The following MCTP2 variants were observed in gnomAD, a reference collection of about 807,000 sequenced individuals.
The protein encoded by MCTP2 is multiple C2 and transmembrane domain containing 2.
In MCTP2, 132 loss-of-function variants were observed where a neutral mutation model predicts 111.6. The observed-to-expected ratio is 1.18, with a 90% confidence interval of 1.03 to 1.37. The LOEUF (loss-of-function observed/expected upper bound fraction) is 1.37. Ranked by LOEUF, MCTP2 falls within the 40% of genes most tolerant of loss-of-function variation. The pLI is 0.00. For missense variants in MCTP2, 1,183 were observed against 1,067.9 expected, an observed-to-expected ratio of 1.11 and a Z score of -1.50; for synonymous variants, 395 against 387.7, an observed-to-expected ratio of 1.02 and a Z score of -0.22.
chr15:94,443,663 G>A (rs2083921077), intron 19 of MCTP2, among the ~76,000 whole-genome samples: 1 of 152,114 alleles, frequency 6.6e-6, no homozygotes, highest in Admixed American at 6.6e-5. Context: ...GAATAGAAAT[G>A]TATTCAAAGA....
intron 2 of MCTP2, among the ~76,000 whole-genome samples, chr15:94,304,040 C>G (rs1350484620): frequency 6.6e-6 from 1 of 152,234 alleles, no homozygotes; most frequent in Non-Finnish European, 1.5e-5. Context: ...CATGTACTAA[C>G]TGTCCAGTGG....
chr15:94,414,188 GA>G, intron 17 of MCTP2, among the ~76,000 whole-genome samples: 1 of 152,222 alleles, frequency 6.6e-6, no homozygotes, highest in East Asian at 1.9e-4. Flanking sequence ...CCTTTCTTCT[GA>G]ACATTTCCCT....
intron 11 of MCTP2, among the ~76,000 whole-genome samples, chr15:94,369,845 G>A (rs916086607): frequency 2.0e-5 from 3 of 152,120 alleles, no homozygotes; most frequent in African/African-American, 7.2e-5. Context: ...AAGTAGATTC[G>A]ATGTGCTTCT....
rs1775971653 is a variant in MCTP2, at chr15:94,479,265, C to A, written c.*231C>A. The A allele has an allele frequency of 5.4e-6, 3 of 551,466 alleles. No homozygotes were observed. In the Admixed American group the frequency reaches 8.9e-5, roughly 16 times the overall value. The allele number at this position is 551,466 out of a possible 1,614,324, so 34.2% of individuals were successfully genotyped here. A position where few individuals can be genotyped will look rare whatever the true frequency, so the allele number is the denominator to read the frequency against. On this transcript the variant is annotated 3_prime_UTR_variant, in exon 23 of 23. Coordinates refer to ENST00000357742, the MANE Select transcript of MCTP2 (RefSeq NM_001385001.1). ...TCAGCCCAGCGAAAAGCAACAACCC[C>A]AAGACTGTGAAAGACTAACATCCAT...
At chr15:94,393,730 C>G (rs2081119431) in intron 14 of MCTP2, among the ~76,000 whole-genome samples, 1 of 151,890 alleles carries the variant, frequency 6.6e-6, no homozygotes, top group South Asian at 2.1e-4. Context: ...AAGGAAAATA[C>G]AAGTCAACCT....
chr15:94,301,137 C>A (rs1025686637), intron 2 of MCTP2, among the ~76,000 whole-genome samples: 2 of 152,132 alleles, frequency 1.3e-5, no homozygotes, highest in African/African-American at 2.4e-5. Context: ...ATCCTTTGCT[C>A]CTCTTTTTCT....
chr15:94,366,990 A>T (rs1368193597), intron 10 of MCTP2, among the ~76,000 whole-genome samples: 1 of 152,252 alleles, frequency 6.6e-6, no homozygotes, highest in Non-Finnish European at 1.5e-5. Context: ...AGAGCTGCTG[A>T]AATGGGATCA....
At chr15:94,387,129 C>T (rs536363576) in intron 14 of MCTP2, among the ~76,000 whole-genome samples, 2 of 151,930 alleles carry the variant, frequency 1.3e-5, no homozygotes, top group Non-Finnish European at 2.9e-5. Context: ...CCTCCTTCCT[C>T]CTTCCTCCTT....
At chr15:94,273,940 T>C in intron 1 of MCTP2, 1 of 237,504 alleles carries the variant, frequency 4.2e-6, no homozygotes, top group Admixed American at 4.2e-5. Flanking sequence ...CAAAGCCAAG[T>C]CTTGACAAGT....
intron 2 of MCTP2, among the ~76,000 whole-genome samples, chr15:94,301,860 A>C (rs2075631875): frequency 6.7e-6 from 1 of 149,998 alleles, no homozygotes; most frequent in Non-Finnish European, 1.5e-5. Context: ...AAACAAAGGG[A>C]ATTCCTGCAG....
rs1295049600 is a variant in MCTP2, at chr15:94,340,822, A to G, written c.867A>G (p.Glu289=). Reference sequence around the variant, plus strand: ...TGCTTTTTGCTTGTAGAACAACTGAACATATTTTAAAACTGGAAGATCCAA... The same window carrying G: ...TGCTTTTTGCTTGTAGAACAACTGAGCATATTTTAAAACTGGAAGATCCAA... ...LSDLELNRTT[E]HILKLEDPNS... Residue 289 remains glutamate (E), a synonymous_variant, in exon 7 of 23, where the codon GAA becomes GAG. Coordinates refer to ENST00000357742, the MANE Select transcript of MCTP2 (RefSeq NM_001385001.1). 1 of 1,607,886 alleles carries G rather than the reference A, an allele frequency of 6.2e-7. No individual in the cohort carries two copies. Among genetic ancestry groups the G allele is most frequent in the East Asian group, 2.2e-5 (1 of 44,776 alleles).
At chr15:94,390,088 A>ACATATATATATATATATATATG (rs1567602769) in intron 14 of MCTP2, among the ~76,000 whole-genome samples, 5 of 10,890 alleles carry the variant, frequency 4.6e-4, no homozygotes, top group African/African-American at 9.7e-4. Flanking sequence ...ATATATATAT[A>ACATATATATATATATATATATG]TGTATATATA....
chr15:94,302,166 C>T (rs2075646600), intron 2 of MCTP2, among the ~76,000 whole-genome samples: 1 of 152,024 alleles, frequency 6.6e-6, no homozygotes, highest in African/African-American at 2.4e-5. Context: ...CTGTTGTGTA[C>T]CAGCGCTTCT....
chr15:94,268,778 C>CT (rs68175885), intron 1 of MCTP2, among the ~76,000 whole-genome samples: 79,074 of 137,914 alleles, frequency 0.57, 24,819 homozygotes, highest in Middle Eastern at 0.72. Flanking sequence ...TCTACATTGA[C>CT]TTTTTTTTTT....
chr15:94,315,612 G>A lies in MCTP2; in HGVS notation c.612G>A (p.Arg204=). ...TCACCATACACCTGAAGGAAGGCCG[G>A]AACCTGGTTGTCCGAGATCGCTGTG... ...YLLTIHLKEG[R]NLVVRDRCGT... Residue 204 remains arginine, a synonymous_variant, in exon 4 of 23, where the codon CGG becomes CGA. Coordinates refer to ENST00000357742, the MANE Select transcript of MCTP2 (RefSeq NM_001385001.1). The A allele has an allele frequency of 4.3e-6, 7 of 1,614,092 alleles. No homozygotes were observed. Among genetic ancestry groups the A allele is most frequent in the Non-Finnish European group, 5.9e-6 (7 of 1,179,970 alleles).
At chr15:94,343,487 CA>C (rs1315533733) in intron 7 of MCTP2, 2 of 152,068 alleles carry the variant, frequency 1.3e-5, no homozygotes, top group African/African-American at 2.4e-5. Context: ...ACCAAGCTGA[CA>C]AAAATCTCAG....
chr15:94,436,325 CTCTT>C (rs1228688957), intron 17 of MCTP2, among the ~76,000 whole-genome samples: 10 of 152,182 alleles, frequency 6.6e-5, no homozygotes, highest in African/African-American at 1.7e-4. Flanking sequence ...CAAGTTACAA[CTCTT>C]TCTTTCTTTG....
At chr15:94,426,813 ACT>A (rs1488990468) in intron 17 of MCTP2, among the ~76,000 whole-genome samples, 3 of 152,098 alleles carry the variant, frequency 2.0e-5, no homozygotes, top group Non-Finnish European at 4.4e-5. Context: ...ATAGCAAGTC[ACT>A]CTGATCCCAT....
At chr15:94,355,624 T>G (rs2078579216) in intron 8 of MCTP2, among the ~76,000 whole-genome samples, 2 of 152,172 alleles carry the variant, frequency 1.3e-5, no homozygotes, top group Non-Finnish European at 2.9e-5. Context: ...GAGGCTCTAT[T>G]TGGACTAGTG....
Sources: allele counts gnomAD v4.1 joint callset (sites outside exome capture counted in the v4.1 genomes callset), GRCh38; gene constraint gnomAD v4.1.1; transcripts MANE v1.5; gene names NCBI Gene and HGNC (gene_info 2026-07-23, HGNC 2026-07-21).